ATG10: variants seen among roughly 807,000 people sequenced by gnomAD.
ATG10 encodes autophagy related 10.
In ATG10, 30 loss-of-function variants were observed where a neutral mutation model predicts 32.1. That is an observed-to-expected ratio of 0.94 (90% CI 0.70 to 1.27). ATG10 has a LOEUF of 1.27. Among genes scored for constraint, ATG10 ranks in the 50% most tolerant of loss-of-function variants. ATG10 has a pLI of 0.00. For synonymous variants in ATG10, 87 were observed against 91.5 expected (o/e 0.95, Z 0.28); for missense variants, 233 against 262.3 (o/e 0.89, Z 0.77).
chr5:82,200,053 C>A (rs1434531464), intron 5 of ATG10, among the ~76,000 whole-genome samples: 1 of 152,126 alleles, frequency 6.6e-6, no homozygotes, highest in Admixed American at 6.5e-5. Flanking sequence ...GACCTTTGGG[C>A]TGATTCCAGT....
At chr5:82,050,679 A>T (rs1350210935) in intron 2 of ATG10, among the ~76,000 whole-genome samples, 1 of 151,766 alleles carries the variant, frequency 6.6e-6, no homozygotes, top group East Asian at 1.9e-4. Context: ...CACACTGCTG[A>T]TTGATAGAGA....
chr5:81,983,241 C>CT (rs1032762957), intron 1 of ATG10, among the ~76,000 whole-genome samples: 1 of 149,278 alleles, frequency 6.7e-6, no homozygotes, highest in South Asian at 2.1e-4. Context: ...GCTGACCCCC[C>CT]CCCCCACCTC....
intron 3 of ATG10, among the ~76,000 whole-genome samples, chr5:82,103,404 A>T (rs1238384480): frequency 3.3e-5 from 5 of 152,164 alleles, no homozygotes; most frequent in South Asian, 4.1e-4. Context: ...TTCCATGGAC[A>T]TCTAAGTTTA....
At chr5:82,227,130 T>C (rs1325276912) in intron 5 of ATG10, among the ~76,000 whole-genome samples, 1 of 152,076 alleles carries the variant, frequency 6.6e-6, no homozygotes, top group Non-Finnish European at 1.5e-5. Context: ...CTTCTATTCC[T>C]ATATGCCCCC....
intron 5 of ATG10, among the ~76,000 whole-genome samples, chr5:82,194,490 G>A (rs1744778175): frequency 6.6e-6 from 1 of 152,060 alleles, no homozygotes; most frequent in African/African-American, 2.4e-5. Context: ...GATTCAACAG[G>A]TCTATATTTT....
At chr5:82,237,021 T>C (rs1407145827) in intron 5 of ATG10, among the ~76,000 whole-genome samples, 1 of 152,166 alleles carries the variant, frequency 6.6e-6, no homozygotes, top group Non-Finnish European at 1.5e-5. Flanking sequence ...TTTTTAAAAC[T>C]ATAAAGTACG....
chr5:82,029,767 G>T (rs1211800146), intron 2 of ATG10, among the ~76,000 whole-genome samples: 2 of 152,056 alleles, frequency 1.3e-5, no homozygotes, highest in African/African-American at 2.4e-5. Flanking sequence ...CTCACTCATG[G>T]GTATAGATCA....
intron 2 of ATG10, among the ~76,000 whole-genome samples, chr5:82,024,009 T>A (rs1454699892): frequency 1.3e-5 from 2 of 152,206 alleles, no homozygotes; most frequent in Non-Finnish European, 2.9e-5. Context: ...CTGTTTATTA[T>A]GTAAATGACC....
intron 3 of ATG10, among the ~76,000 whole-genome samples, chr5:82,081,977 C>T (rs907357004): frequency 1.3e-4 from 20 of 152,280 alleles, no homozygotes; most frequent in African/African-American, 4.8e-4. Flanking sequence ...AGCTGTGAAT[C>T]CATCTGGTCC....
intron 3 of ATG10, among the ~76,000 whole-genome samples, chr5:82,098,079 A>T (rs1765131021): frequency 6.6e-6 from 1 of 152,150 alleles, no homozygotes; most frequent in Non-Finnish European, 1.5e-5. Flanking sequence ...AACAGTGCCC[A>T]AGACAGTCAT....
At chr5:82,137,988 A>C (rs1766834774) in intron 3 of ATG10, among the ~76,000 whole-genome samples, 1 of 152,150 alleles carries the variant, frequency 6.6e-6, no homozygotes, top group Non-Finnish European at 1.5e-5. Flanking sequence ...GGTGGGCTTC[A>C]CCCAATTTGA....
At chr5:82,096,221 G>A (rs1023110442) in intron 3 of ATG10, among the ~76,000 whole-genome samples, 2 of 152,196 alleles carry the variant, frequency 1.3e-5, no homozygotes, top group Non-Finnish European at 2.9e-5. Context: ...AGAAAAGCAG[G>A]TGCACTCACA....
chr5:81,992,403 T>A (rs1761491040), intron 2 of ATG10: 1 of 151,642 alleles, frequency 6.6e-6, no homozygotes, highest in South Asian at 2.1e-4. Context: ...TTTTTAAAAT[T>A]AAATTAAATT....
intron 2 of ATG10, among the ~76,000 whole-genome samples, chr5:81,996,207 TCA>T (rs1761659095): frequency 6.6e-6 from 1 of 152,208 alleles, no homozygotes; most frequent in South Asian, 2.1e-4. Context: ...AGTTTAGTTC[TCA>T]GTTTCTTTGT....
At chr5:82,153,698 AT>A (rs961563914) in intron 3 of ATG10, among the ~76,000 whole-genome samples, 1 of 152,166 alleles carries the variant, frequency 6.6e-6, no homozygotes, top group Non-Finnish European at 1.5e-5. Flanking sequence ...AACAAAATTC[AT>A]AGATTTGGAG....
At position 82,002,599 on chromosome 5, in the gene ATG10, A is replaced by C. The variant is rs1173813275; in HGVS notation, c.108+14921A>C. ...TAAGTAGGGGCTAAACATTGAGTAC[A>C]TATGGACACAAAGAGGGCAACAACA... On this transcript the variant is annotated intron_variant, in intron 2 of 7. Coordinates refer to ENST00000282185, the MANE Select transcript of ATG10 (RefSeq NM_031482.5). 2.0e-5 allele frequency among the ~76,000 whole-genome samples: 3 copies of C among 152,200 alleles called. No homozygotes were observed. In the East Asian group the frequency reaches 5.8e-4, roughly 29 times the overall value.
At chr5:82,137,700 C>A (rs1766822169) in intron 3 of ATG10, among the ~76,000 whole-genome samples, 1 of 152,172 alleles carries the variant, frequency 6.6e-6, no homozygotes, top group African/African-American at 2.4e-5. Flanking sequence ...GGTCAAGGAG[C>A]CACTTAAGGA....
At chr5:82,087,796 T>C (rs1764741541) in intron 3 of ATG10, among the ~76,000 whole-genome samples, 1 of 151,892 alleles carries the variant, frequency 6.6e-6, no homozygotes, top group African/African-American at 2.4e-5. Flanking sequence ...GGGTAGATCT[T>C]ATGTTAAGGA....
intron 5 of ATG10, among the ~76,000 whole-genome samples, chr5:82,186,416 T>C (rs1034798201): frequency 6.6e-6 from 1 of 152,192 alleles, no homozygotes; most frequent in East Asian, 1.9e-4. Context: ...TGAGATATAC[T>C]CTGTTTGTTA....
Sources: gnomAD v4.1 joint callset for allele counts (sites outside exome capture counted in the v4.1 genomes callset) on GRCh38, gnomAD v4.1.1 for gene constraint, MANE v1.5 for transcripts, NCBI Gene and HGNC (gene_info 2026-07-23, HGNC 2026-07-21) for gene names.